TADA2A: variants seen among roughly 807,000 people sequenced by gnomAD.
The protein encoded by TADA2A is transcriptional adapter 2-alpha.
TADA2A carries 38 observed loss-of-function variants against 67.4 expected under a neutral mutation model. The ratio of observed to expected loss-of-function variants is 0.56; its 90% CI spans 0.44 to 0.74. TADA2A has a LOEUF of 0.74. Ranked by LOEUF, TADA2A falls within the 30% of genes least tolerant of loss-of-function variation. TADA2A has a pLI of 0.00. For missense variants in TADA2A, 454 were observed against 547.0 expected (o/e 0.83, Z 1.70); for synonymous variants, 192 against 181.6 (o/e 1.06, Z -0.46).
At chr17:37,432,391 C>T (rs928347180) in intron 4 of TADA2A, among the ~76,000 whole-genome samples, 2 of 151,862 alleles carry the variant, frequency 1.3e-5, no homozygotes, top group Non-Finnish European at 2.9e-5. Flanking sequence ...GGTCTCGAAC[C>T]CCTGACCTCA....
At chr17:37,411,463 C>A in intron 2 of TADA2A, 73 bp downstream of exon 2, 1 of 1,422,810 alleles carries the variant, frequency 7.0e-7, no homozygotes, top group Non-Finnish European at 9.9e-7. Context: ...CCCTCTGTTG[C>A]CCAGGCTGGG....
intron 5 of TADA2A, among the ~76,000 whole-genome samples, chr17:37,440,083 A>ACAGG (rs1388065664): frequency 6.6e-5 from 10 of 151,552 alleles, no homozygotes; most frequent in South Asian, 4.2e-4. Flanking sequence ...AGCTGGGATT[A>ACAGG]CAGGCATGCA....
intron 4 of TADA2A, among the ~76,000 whole-genome samples, chr17:37,435,106 TGTG>T (rs2052682927): frequency 1.3e-5 from 2 of 152,122 alleles, no homozygotes; most frequent in African/African-American, 4.8e-5. Context: ...ATTAGCCAGG[TGTG>T]GTGGCACATG....
rs149791790 is a variant in TADA2A, at chr17:37,441,767, A to C, written c.443-797A>C. Reference sequence around the variant, plus strand: ...CTGCAACCTCCACCTCCAGGGTTCAAACGATTCTCGTGCCTCAGCCTCCTG... The same window carrying C: ...CTGCAACCTCCACCTCCAGGGTTCACACGATTCTCGTGCCTCAGCCTCCTG... On this transcript the variant is annotated intron_variant, in intron 6 of 15. Transcript: ENST00000615182. 3.3e-5 allele frequency among the ~76,000 whole-genome samples: 5 copies of C among 151,990 alleles called. No homozygotes were observed. The East Asian group carries it at 9.7e-4, about 29-fold the overall frequency.
chr17:37,449,445 C>T (rs1326330475), intron 8 of TADA2A, among the ~76,000 whole-genome samples: 6 of 152,118 alleles, frequency 3.9e-5, no homozygotes, highest in Non-Finnish European at 1.5e-5. Flanking sequence ...GTCATTTAAT[C>T]CTCAAAACCT....
intron 2 of TADA2A, among the ~76,000 whole-genome samples, chr17:37,416,962 T>A (rs1004605966): frequency 3.3e-5 from 5 of 151,978 alleles, no homozygotes; most frequent in African/African-American, 1.2e-4. Context: ...TTTTAAAAAA[T>A]TTTGAAATAC....
At chr17:37,455,305 T>A (rs1302798494) in intron 8 of TADA2A, among the ~76,000 whole-genome samples, 1 of 126,210 alleles carries the variant, frequency 7.9e-6, no homozygotes, top group Non-Finnish European at 1.6e-5. Flanking sequence ...CTAGAGGTCT[T>A]CTGGTTATTA....
intron 11 of TADA2A, 140 bp downstream of exon 11, chr17:37,465,681 C>T (rs758819575): frequency 6.8e-7 from 1 of 1,477,226 alleles, no homozygotes; most frequent in South Asian, 1.3e-5. Flanking sequence ...TACCATGAGA[C>T]AAATTTGGGA....
Position 37,474,750 on chromosome 17 carries a change from G to A in TADA2A, c.1146+121G>A, listed in dbSNP as rs987160703. ...TTCATTCATCTAACATATATGCACAGCTCTGGTGAATCCTAGAAGTCCAAG... is the reference window on the plus strand; with the variant it reads ...TTCATTCATCTAACATATATGCACAACTCTGGTGAATCCTAGAAGTCCAAG... On this transcript the variant is annotated intron_variant, in intron 15 of 15. Transcript: ENST00000615182. The A allele has an allele frequency of 3.8e-6, 4 of 1,061,912 alleles. No homozygotes were observed. In the East Asian group the frequency reaches 1.0e-4, roughly 28 times the overall value. The allele number at this position is 1,061,912 out of a possible 1,614,324, so 65.8% of individuals were successfully genotyped here. A position where few individuals can be genotyped will look rare whatever the true frequency, so the allele number is the denominator to read the frequency against.
rs1388906454 is a variant in TADA2A at position 37,476,961 on chromosome 17, A to G, written c.1311A>G (p.Glu437=). 6.2e-7 allele frequency: 1 copy of G among 1,613,058 alleles called. No individual in the cohort carries two copies. ...AAATCTATGATTTCCTCATCAGAGAAGGATACATCACTAAAGGCTAAGGCT... is the reference window on the plus strand; with the variant it reads ...AAATCTATGATTTCCTCATCAGAGAGGGATACATCACTAAAGGCTAAGGCT... ...TRKIYDFLIR[E]GYITKG Residue 437 remains glutamate (E), a synonymous_variant, in exon 16 of 16, where the codon GAA becomes GAG. Coordinates refer to ENST00000615182, the MANE Select transcript of TADA2A (RefSeq NM_001166105.3).
In TADA2A at chr17:37,462,710, A is replaced by T. The variant is rs987318777; in HGVS notation, c.712+589A>T. On this transcript the variant is annotated intron_variant, in intron 10 of 15. Coordinates refer to ENST00000615182, the MANE Select transcript of TADA2A (RefSeq NM_001166105.3). ...AAAACTTGTATTAAAATTCTTTTTT[A>T]AAAATTTGTATAGTAATTACAGTGT... Among the ~76,000 whole-genome samples the T allele has an allele frequency of 7.9e-5, 12 of 152,276 alleles. 1 individual carries two copies. In the South Asian group the frequency reaches 2.5e-3, roughly 32 times the overall value.
At chr17:37,422,053 GT>G (rs1447478772) in intron 2 of TADA2A, among the ~76,000 whole-genome samples, 8 of 134,378 alleles carry the variant, frequency 6.0e-5, no homozygotes, top group East Asian at 2.4e-4. Context: ...TAATTTTTTT[GT>G]TTTTTTTTTG....
intron 7 of TADA2A, among the ~76,000 whole-genome samples, chr17:37,443,199 G>A (rs1422584972): frequency 6.6e-6 from 1 of 150,784 alleles, no homozygotes; most frequent in African/African-American, 2.4e-5. Context: ...CACCTCTTAA[G>A]TTGCATCAGT....
intron 11 of TADA2A, among the ~76,000 whole-genome samples, chr17:37,466,745 CA>C (rs1439700197): frequency 1.3e-5 from 2 of 152,216 alleles, no homozygotes; most frequent in African/African-American, 4.8e-5. Context: ...CAAAACACTA[CA>C]CCCCATGGAT....
chr17:37,470,369 A>G lies in TADA2A; in HGVS notation c.896-31A>G, dbSNP rs762322842. 3.4e-5 allele frequency: 55 copies of G among 1,612,792 alleles called. 1 individual carries two copies. In the South Asian group the frequency reaches 5.8e-4, roughly 17 times the overall value. On this transcript the variant is annotated intron_variant, in intron 12 of 15. Transcript: ENST00000615182. ...AGCCCTTCAGTTCTGCTGCATTGTCATTGTGGTCATTGTGTTTTCTATACC... is the reference window on the plus strand; with the variant it reads ...AGCCCTTCAGTTCTGCTGCATTGTCGTTGTGGTCATTGTGTTTTCTATACC...
rs2053885693 is a variant in TADA2A, at chr17:37,476,016, A to C, written c.1147-781A>C. ...ACCATATATCATTAGTTCAGTTCAG[A>C]TAATAAGGAAGGGTCATAGTGTAGG... On this transcript the variant is annotated intron_variant, in intron 15 of 15. Transcript: ENST00000615182. 1.3e-5 allele frequency among the ~76,000 whole-genome samples: 2 copies of C among 152,178 alleles called. 1 individual carries two copies. The highest frequency in any genetic ancestry group is 2.9e-5 in the Non-Finnish European group (2 of 68,034).
intron 2 of TADA2A, among the ~76,000 whole-genome samples, chr17:37,416,690 C>T (rs974312402): frequency 3.3e-5 from 5 of 151,852 alleles, no homozygotes; most frequent in African/African-American, 9.7e-5. Flanking sequence ...CATGGTGAAA[C>T]GCCATCTCTA....
intron 3 of TADA2A, among the ~76,000 whole-genome samples, chr17:37,424,206 G>A (rs1328445468): frequency 6.6e-6 from 1 of 152,032 alleles, no homozygotes. Flanking sequence ...GCTGAGGCAG[G>A]TGGATCCCCT....
chr17:37,430,020 T>G (rs1025276392), intron 4 of TADA2A, among the ~76,000 whole-genome samples: 1 of 152,218 alleles, frequency 6.6e-6, no homozygotes, highest in African/African-American at 2.4e-5. Flanking sequence ...AGAATACAAA[T>G]TTATTCATTC....
Sources: allele counts gnomAD v4.1 joint callset (sites outside exome capture counted in the v4.1 genomes callset), GRCh38; gene constraint gnomAD v4.1.1; transcripts MANE v1.5; gene names NCBI Gene and HGNC (gene_info 2026-07-23, HGNC 2026-07-21).